The following DUXA variants were observed in gnomAD, a reference collection of about 807,000 sequenced individuals.
DUXA encodes the protein double homeobox protein A.
A neutral mutation model predicts 27.5 loss-of-function variants in DUXA; 25 were observed. That is an observed-to-expected ratio of 0.91 (90% CI 0.66 to 1.27). The LOEUF (loss-of-function observed/expected upper bound fraction) is 1.27. DUXA is among the 50% of genes most tolerant of loss of function. The probability of loss-of-function intolerance (pLI) is 0.00; values close to 1 mark genes in which losing one functional copy is unlikely to be tolerated. For synonymous variants in DUXA, 90 were observed against 80.5 expected (o/e 1.12, Z -0.63); for missense variants, 247 against 242.9 (o/e 1.02, Z -0.11).
Position 57,159,183 on chromosome 19 carries a change from A to G in DUXA, c.276T>C (p.Pro92=). ...GTTATTTACTTTGAAACTCCACACC[A>G]GGTTGATCTTGCCCCTGGCTCTGGC... ...ESSQSQGQDQ[P]GVEFQSREAR... The change falls in exon 3 of 6, where the codon CCT becomes CCC. Residue 92 remains proline (P), a synonymous_variant. Coordinates refer to ENST00000554048, the MANE Select transcript of DUXA (RefSeq NM_001012729.2). The G allele has an allele frequency of 1.2e-6, 2 of 1,614,092 alleles. No homozygotes were observed. Among genetic ancestry groups the G allele is most frequent in the South Asian group, 2.2e-5 (2 of 91,084 alleles).
intron 4 of DUXA, among the ~76,000 whole-genome samples, chr19:57,157,913 G>T (rs990457638): frequency 3.3e-5 from 5 of 151,732 alleles, no homozygotes; most frequent in Admixed American, 2.6e-4. Flanking sequence ...AAAACCGCTT[G>T]AACCTAGGAG....
rs71186230 is a variant in DUXA, at chr19:57,161,324, C to CAAAAAAAAAAAAAA, written c.26-541_26-528dup. Among the ~76,000 whole-genome samples the CAAAAAAAAAAAAAA allele has an allele frequency of 5.3e-4, 25 of 47,376 alleles. 1 individual carries two copies. Among genetic ancestry groups the CAAAAAAAAAAAAAA allele is most frequent in the African/African-American group, 1.8e-3 (13 of 7,096 alleles). 31.1% of individuals were successfully genotyped at this position (47,376 alleles called of 152,430 possible). On this transcript the variant is annotated intron_variant, in intron 1 of 5. Coordinates refer to ENST00000554048, the MANE Select transcript of DUXA (RefSeq NM_001012729.2). ...TGGGTAACAGAGTGAGACTCTATCT[C>CAAAAAAAAAAAAAA]AAAAAAAAAAAAAAAAAAACTGGGC... is the stretch of plus-strand genomic sequence containing the variant.
chr19:57,161,787 C>T (rs1408093307), intron 1 of DUXA, among the ~76,000 whole-genome samples: 1 of 151,932 alleles, frequency 6.6e-6, no homozygotes, highest in East Asian at 1.9e-4. Context: ...GTGATGAAAC[C>T]ATAGAAACGA....
chr19:57,158,073 A>G (rs1403153615), intron 4 of DUXA, among the ~76,000 whole-genome samples: 1 of 152,084 alleles, frequency 6.6e-6, no homozygotes, highest in Non-Finnish European at 1.5e-5. Context: ...ACAACTTCTC[A>G]TTGGGTGTCA....
At position 57,154,332 on chromosome 19, in the gene DUXA, G is replaced by T; in HGVS notation, c.*80C>A. 7.4e-7 allele frequency: 1 copy of T among 1,355,702 alleles called. No individual in the cohort carries two copies. The highest frequency in any genetic ancestry group is 1.0e-6 in the Non-Finnish European group (1 of 954,412). The allele number at this position is 1,355,702 out of a possible 1,614,324, so 84.0% of individuals were successfully genotyped here. Reference sequence around the variant, plus strand: ...GAAGGCTTAGCTTGCAGTTTCAGCAGAAGGATAGACTCCCAGGAAGACCGT... The same window carrying T: ...GAAGGCTTAGCTTGCAGTTTCAGCATAAGGATAGACTCCCAGGAAGACCGT... On this transcript the variant is annotated 3_prime_UTR_variant, in exon 6 of 6. Coordinates refer to ENST00000554048, the MANE Select transcript of DUXA (RefSeq NM_001012729.2).
At chr19:57,165,600 T>C (rs1208106020) in intron 1 of DUXA, among the ~76,000 whole-genome samples, 2 of 150,880 alleles carry the variant, frequency 1.3e-5, no homozygotes, top group African/African-American at 2.4e-5. Flanking sequence ...TGTCAGGAGA[T>C]CGAGACCATC....
chr19:57,158,851 C>T (rs1447749283), intron 3 of DUXA, among the ~76,000 whole-genome samples: 2 of 152,084 alleles, frequency 1.3e-5, no homozygotes, highest in Admixed American at 1.3e-4. Flanking sequence ...GGCATAGTGG[C>T]GCGCACCTGT....
Position 57,154,321 on chromosome 19 carries a change from C to T in DUXA, c.*91G>A, listed in dbSNP as rs1171630682. ...TACCATCTTCAGAAGGCTTAGCTTGCAGTTTCAGCAGAAGGATAGACTCCC... is the reference window on the plus strand; with the variant it reads ...TACCATCTTCAGAAGGCTTAGCTTGTAGTTTCAGCAGAAGGATAGACTCCC... On this transcript the variant is annotated 3_prime_UTR_variant, in exon 6 of 6. Transcript: ENST00000554048. 5.8e-6 allele frequency: 7 copies of T among 1,213,818 alleles called. No individual in the cohort carries two copies. The Admixed American group carries it at 7.3e-5, about 13-fold the overall frequency. The allele number at this position is 1,213,818 out of a possible 1,614,324, so 75.2% of individuals were successfully genotyped here.
chr19:57,166,442 T>C (rs1295848544), intron 1 of DUXA, among the ~76,000 whole-genome samples: 1 of 152,154 alleles, frequency 6.6e-6, no homozygotes, highest in Non-Finnish European at 1.5e-5. Context: ...CCCGAGTAGC[T>C]GGGACTACAG....
At chr19:57,158,908 T>C (rs979839568) in intron 3 of DUXA, among the ~76,000 whole-genome samples, 1 of 152,090 alleles carries the variant, frequency 6.6e-6, no homozygotes, top group Non-Finnish European at 1.5e-5. Context: ...TGCTTGAACC[T>C]GGGAGGCAGA....
At chr19:57,155,949 G>A (rs1480071462) in intron 4 of DUXA, among the ~76,000 whole-genome samples, 4 of 152,112 alleles carry the variant, frequency 2.6e-5, no homozygotes, top group Middle Eastern at 3.2e-3. Context: ...CATTACAGGC[G>A]TGAGCCACCG....
chr19:57,161,353 G>C (rs1017537158), intron 1 of DUXA, among the ~76,000 whole-genome samples: 3 of 113,414 alleles, frequency 2.6e-5, no homozygotes, highest in Non-Finnish European at 5.3e-5. Flanking sequence ...ACTGGGCGCG[G>C]TGGCTCACAC....
At chr19:57,155,115 T>C (rs1342211404) in intron 5 of DUXA, 152 bp downstream of exon 5, 7 of 661,268 alleles carry the variant, frequency 1.1e-5, no homozygotes, top group Admixed American at 2.9e-5. Flanking sequence ...GGAAGAGTCT[T>C]TGGGGACTGT....
chr19:57,164,869 G>C (rs2087043523), intron 1 of DUXA, among the ~76,000 whole-genome samples: 1 of 152,130 alleles, frequency 6.6e-6, no homozygotes, highest in Admixed American at 6.6e-5. Flanking sequence ...TACTGCTTAA[G>C]GACATTCCTA....
intron 1 of DUXA, among the ~76,000 whole-genome samples, chr19:57,161,050 G>T (rs2087018419): frequency 6.6e-6 from 1 of 151,968 alleles, no homozygotes; most frequent in Non-Finnish European, 1.5e-5. Flanking sequence ...TGTGAGCCGG[G>T]CATGGTGGTT....
chr19:57,160,917 C>G, intron 1 of DUXA, 120 bp from the exon 2 acceptor site: 1 of 1,136,864 alleles, frequency 8.8e-7, no homozygotes, highest in Non-Finnish European at 1.2e-6. Flanking sequence ...TCCAGGAGAA[C>G]TACCCTCATA....
intron 3 of DUXA, among the ~76,000 whole-genome samples, chr19:57,158,763 T>A (rs565278654): frequency 6.6e-6 from 1 of 152,206 alleles, no homozygotes; most frequent in Admixed American, 6.5e-5. Context: ...AGGGGGCAGA[T>A]CACAAGGTCA....
At chr19:57,158,853 C>T (rs188510943) in intron 3 of DUXA, among the ~76,000 whole-genome samples, 173 of 152,212 alleles carry the variant, frequency 1.1e-3, no homozygotes, top group African/African-American at 3.8e-3. Context: ...CATAGTGGCG[C>T]GCACCTGTAA....
chr19:57,166,499 AG>A (rs1343691909), intron 1 of DUXA, among the ~76,000 whole-genome samples: 2 of 152,108 alleles, frequency 1.3e-5, no homozygotes, highest in African/African-American at 2.4e-5. Context: ...TAGTAGAGAC[AG>A]GGTTTCACCA....
Sources: gnomAD v4.1 joint callset for allele counts (sites outside exome capture counted in the v4.1 genomes callset) on GRCh38, gnomAD v4.1.1 for gene constraint, MANE v1.5 for transcripts, NCBI Gene and HGNC (gene_info 2026-07-23, HGNC 2026-07-21) for gene names.